SNX14: variants seen among roughly 807,000 people sequenced by gnomAD.
SNX14 encodes the protein sorting nexin-14.
A neutral mutation model predicts 133.8 loss-of-function variants in SNX14; 93 were observed. The ratio of observed to expected loss-of-function variants is 0.70; its 90% CI spans 0.59 to 0.83. SNX14 has a LOEUF of 0.83. SNX14 is among the 40% of genes least tolerant of loss of function. SNX14 has a pLI of 0.00. For missense variants in SNX14, 945 were observed against 1,094.9 expected (o/e 0.86, Z 1.93); for synonymous variants, 368 against 365.6 (o/e 1.01, Z -0.07).
intron 15 of SNX14, among the ~76,000 whole-genome samples, chr6:85,540,225 T>C (rs1345105963): frequency 6.6e-6 from 1 of 152,150 alleles, no homozygotes; most frequent in Non-Finnish European, 1.5e-5. Flanking sequence ...GCCTCCCAAA[T>C]TGTTGGGATT....
In SNX14 at chr6:85,505,678, T is replaced by C. The variant is rs1029167609; in HGVS notation, c.*289A>G. The C allele has an allele frequency of 1.6e-5, 6 of 373,960 alleles. No homozygotes were observed. Among genetic ancestry groups the C allele is most frequent in the Admixed American group, 1.4e-4 (3 of 21,488 alleles). The allele number at this position is 373,960 out of a possible 1,614,324, so 23.2% of individuals were successfully genotyped here. ...AGCTATACAATACGAAGTTTATCAG[T>C]CTTATCTGTTTGCCATAACATCATT... On this transcript the variant is annotated 3_prime_UTR_variant, in exon 29 of 29. Coordinates refer to ENST00000314673, the MANE Select transcript of SNX14 (RefSeq NM_153816.6).
intron 4 of SNX14, among the ~76,000 whole-genome samples, chr6:85,571,393 GA>G (rs1235873254): frequency 6.7e-6 from 1 of 148,324 alleles, no homozygotes; most frequent in Admixed American, 6.7e-5. Context: ...GAGAGGCAAA[GA>G]AAAAAATGCC....
intron 24 of SNX14, 33 bp downstream of exon 24, chr6:85,514,473 T>A (rs1255431971): frequency 6.2e-7 from 1 of 1,601,996 alleles, no homozygotes; most frequent in Non-Finnish European, 8.5e-7. Flanking sequence ...GTAAGATGAA[T>A]GAAAAACAAG....
intron 6 of SNX14, among the ~76,000 whole-genome samples, chr6:85,560,578 C>A (rs1791210871): frequency 6.6e-6 from 1 of 152,156 alleles, no homozygotes; most frequent in Non-Finnish European, 1.5e-5. Context: ...GGTTGTACAA[C>A]TGAATATGCT....
intron 21 of SNX14, among the ~76,000 whole-genome samples, chr6:85,523,964 C>T (rs2127942861): frequency 1.3e-5 from 2 of 152,298 alleles, no homozygotes; most frequent in Middle Eastern, 6.8e-3. Flanking sequence ...GCAGGCAGAT[C>T]ACGAGGTCAA....
intron 28 of SNX14, among the ~76,000 whole-genome samples, chr6:85,506,882 C>T (rs1331046311): frequency 6.6e-6 from 1 of 152,134 alleles, no homozygotes; most frequent in East Asian, 1.9e-4. Flanking sequence ...CAAAAATACT[C>T]TAGTTTCTGA....
chr6:85,520,058 A>G (rs1168692870), intron 21 of SNX14, among the ~76,000 whole-genome samples: 1 of 151,772 alleles, frequency 6.6e-6, no homozygotes, highest in African/African-American at 2.4e-5. Flanking sequence ...TAGTAGTAGT[A>G]ATAGTAGTAG....
At chr6:85,591,069 A>C (rs1365401080) in intron 1 of SNX14, among the ~76,000 whole-genome samples, 1 of 152,202 alleles carries the variant, frequency 6.6e-6, no homozygotes, top group Non-Finnish European at 1.5e-5. Flanking sequence ...TTCTGACTTC[A>C]TAGGGGTCAG....
intron 6 of SNX14, among the ~76,000 whole-genome samples, chr6:85,560,831 C>T (rs1400786859): frequency 6.6e-6 from 1 of 151,800 alleles, no homozygotes; most frequent in Non-Finnish European, 1.5e-5. Context: ...GTCAGGAGTT[C>T]GAGACCAGGC....
At chr6:85,553,550 C>T (rs1261145747) in intron 7 of SNX14, among the ~76,000 whole-genome samples, 1 of 152,032 alleles carries the variant, frequency 6.6e-6, no homozygotes, top group Non-Finnish European at 1.5e-5. Context: ...CTTAGGAGGC[C>T]GAGGCGGACG....
chr6:85,531,519 T>C (rs1780302769), intron 18 of SNX14, among the ~76,000 whole-genome samples: 1 of 152,176 alleles, frequency 6.6e-6, no homozygotes, highest in African/African-American at 2.4e-5. Context: ...TCACAACATA[T>C]AAAGCAAATC....
In SNX14 at chr6:85,530,214, T is replaced by C; in HGVS notation, c.1872A>G (p.Glu624=). ...TACCATGAAATTCTGTTAGTTTTGATTCAAGTACATAGAATTCAAGATATC... is the reference window on the plus strand; with the variant it reads ...TACCATGAAATTCTGTTAGTTTTGACTCAAGTACATAGAATTCAAGATATC... ...YRRYLEFYVL[E]SKLTEFHGAF... The change falls in exon 19 of 29, where the codon GAA becomes GAG. Residue 624 remains glutamate (E), a synonymous_variant. Coordinates refer to ENST00000314673, the MANE Select transcript of SNX14 (RefSeq NM_153816.6). The C allele has an allele frequency of 2.5e-6, 4 of 1,598,508 alleles. No homozygotes were observed. The highest frequency in any genetic ancestry group is 3.4e-6 in the Non-Finnish European group (4 of 1,172,232).
intron 13 of SNX14, 30 bp from the exon 14 acceptor site, chr6:85,543,336 T>C (rs777754587): frequency 1.3e-6 from 2 of 1,524,608 alleles, no homozygotes; most frequent in Non-Finnish European, 1.8e-6. Flanking sequence ...GTAGAAATTA[T>C]TTATAAATAG....
Position 85,536,782 on chromosome 6 carries a change from T to C in SNX14, c.1608+10A>G, listed in dbSNP as rs1327264199. 6.2e-6 allele frequency: 10 copies of C among 1,605,916 alleles called. No homozygotes were observed. The highest frequency in any genetic ancestry group is 7.6e-6 in the Non-Finnish European group (9 of 1,176,658). On this transcript the variant is annotated intron_variant, in intron 17 of 28. Transcript: ENST00000314673. ...GTTATAAATAAATCAAATTGATACA[T>C]TTTACTTACAAAATCATCTTCACCT... is the stretch of plus-strand genomic sequence containing the variant.
rs747169515 is a variant in SNX14, at chr6:85,517,818, T to C, written c.2206A>G (p.Lys736Glu). 2 of 1,611,340 alleles carry C rather than the reference T, an allele frequency of 1.2e-6. No homozygotes were observed. Among genetic ancestry groups the C allele is most frequent in the Non-Finnish European group, 1.7e-6 (2 of 1,179,244 alleles). Residue 736 changes from lysine (K) to glutamate (E), a missense_variant, in exon 23 of 29, where the codon AAG (lysine) becomes GAG (glutamate). Lys to Glu is a moderately conservative substitution (Grantham distance 56). Coordinates refer to ENST00000314673, the MANE Select transcript of SNX14 (RefSeq NM_153816.6). ...MNFINSCESPKPKPSRPELTI... is the reference protein window; with the variant it reads ...MNFINSCESPEPKPSRPELTI... ...AGTTCTGGTCTACTTGGTTTAGGCT[T>C]TGGAGACTCACAAGAATTAATGAAA... is the stretch of plus-strand genomic sequence containing the variant.
chr6:85,540,901 A>T (rs773211030), intron 15 of SNX14, among the ~76,000 whole-genome samples: 4 of 152,122 alleles, frequency 2.6e-5, no homozygotes, highest in Non-Finnish European at 5.9e-5. Context: ...AATTTTGTAC[A>T]CATATTAGGT....
chr6:85,548,113 G>A (rs1484502186), intron 9 of SNX14, among the ~76,000 whole-genome samples, 188 bp downstream of exon 9: 1 of 152,168 alleles, frequency 6.6e-6, no homozygotes, highest in Admixed American at 6.5e-5. Context: ...GGAATGAGGA[G>A]TTATTGTTAA....
intron 1 of SNX14, among the ~76,000 whole-genome samples, chr6:85,578,258 TAGA>T (rs1797930837): frequency 6.6e-6 from 1 of 152,058 alleles, no homozygotes; most frequent in African/African-American, 2.4e-5. Flanking sequence ...ACAGGATGCA[TAGA>T]AGGATGAATA....
Position 85,536,913 on chromosome 6 carries a change from T to G in SNX14, c.1487A>C (p.Lys496Thr), listed in dbSNP as rs1782138471. Residue 496 changes from lysine to threonine, a missense_variant, in exon 17 of 29, where the codon AAA (lysine) becomes ACA (threonine). By Grantham distance (78) the Lys-to-Thr change is moderately conservative. Coordinates refer to ENST00000314673, the MANE Select transcript of SNX14 (RefSeq NM_153816.6). ...LSLDDFRNTQ[K>T]RGESFGISRI... is the part of the protein sequence containing the mutation. ...GCTGATTCCAAATGATTCTCCCCTT[T>G]TCTGTGTGTTCCTGAATATTAAACA... 2 of 1,612,512 alleles carry G rather than the reference T, an allele frequency of 1.2e-6. No homozygotes were observed. Among genetic ancestry groups the G allele is most frequent in the Admixed American group, 1.7e-5 (1 of 59,904 alleles).
Sources: allele counts gnomAD v4.1 joint callset (sites outside exome capture counted in the v4.1 genomes callset), GRCh38; gene constraint gnomAD v4.1.1; transcripts MANE v1.5; gene names NCBI Gene and HGNC (gene_info 2026-07-23, HGNC 2026-07-21).